The following GRAMD1C variants were observed in gnomAD, a reference collection of about 807,000 sequenced individuals.
GRAMD1C encodes GRAM domain containing 1C.
A neutral mutation model predicts 97.8 loss-of-function variants in GRAMD1C; 89 were observed. That is an observed-to-expected ratio of 0.91 (90% confidence interval 0.77 to 1.09). GRAMD1C has a LOEUF of 1.09. GRAMD1C is among the 50% of genes least tolerant of loss of function. The probability of loss-of-function intolerance (pLI) is 0.00; values close to 1 mark genes in which losing one functional copy is unlikely to be tolerated. For synonymous variants in GRAMD1C, 256 were observed against 267.0 expected, an observed-to-expected ratio of 0.96 and a Z score of 0.40; for missense variants, 740 against 766.4, an observed-to-expected ratio of 0.97 and a Z score of 0.41.
At chr3:113,860,494 A>T (rs1934321805) in intron 2 of GRAMD1C, among the ~76,000 whole-genome samples, 1 of 152,178 alleles carries the variant, frequency 6.6e-6, no homozygotes, top group Non-Finnish European at 1.5e-5. Flanking sequence ...TCCTATCAAA[A>T]TTCAAATGAC....
Position 113,909,116 on chromosome 3 carries a change from TG to T in GRAMD1C, c.949del (p.Glu317LysfsTer46), listed in dbSNP as rs1181223369. Reference sequence around the variant, plus strand: ...AAAGCAGCACTTCAGATTCTGTTGATGAAGGTAAATAATTTCTTATAAATTT... The same window carrying T: ...AAAGCAGCACTTCAGATTCTGTTGATAAGGTAAATAATTTCTTATAAATTT... ...DKSSTSDSVD[E>X]ENVPEKDLHG... On this transcript the variant is annotated frameshift_variant, in exon 9 of 18. Transcript: ENST00000358160. LOFTEE classifies it high-confidence loss of function. 1 of 1,458,502 alleles carries T rather than the reference TG, an allele frequency of 6.9e-7. No homozygotes were observed. Among genetic ancestry groups the T allele is most frequent in the African/African-American group, 1.5e-5 (1 of 68,598 alleles). 90.3% of individuals were successfully genotyped at this position (1,458,502 alleles called of 1,614,324 possible).
upstream of GRAMD1C, among the ~76,000 whole-genome samples, chr3:113,836,801 G>A (rs1290616992): frequency 2.0e-5 from 3 of 151,740 alleles, no homozygotes; most frequent in African/African-American, 7.3e-5. Context: ...TCACCATCAC[G>A]CCCGACTAAT....
intron 6 of GRAMD1C, among the ~76,000 whole-genome samples, chr3:113,887,606 CAGGAGAA>C (rs1246742465): frequency 7.9e-6 from 1 of 125,830 alleles, no homozygotes; most frequent in Non-Finnish European, 1.7e-5. Context: ...GAGGCTGAGG[CAGGAGAA>C]AGGAGAATGG....
intron 6 of GRAMD1C, chr3:113,885,425 A>G (rs1935436308): frequency 6.4e-7 from 1 of 1,570,906 alleles, no homozygotes; most frequent in African/African-American, 1.3e-5. Context: ...ACTGTTCGAT[A>G]TGATATCCTC....
At chr3:113,905,392 T>A (rs1936333507) in intron 8 of GRAMD1C, among the ~76,000 whole-genome samples, 1 of 152,234 alleles carries the variant, frequency 6.6e-6, no homozygotes, top group Non-Finnish European at 1.5e-5. Flanking sequence ...GACCATATTC[T>A]GAGTACTAGG....
intron 5 of GRAMD1C, among the ~76,000 whole-genome samples, chr3:113,877,330 A>G (rs1935087071): frequency 6.6e-6 from 1 of 152,232 alleles, no homozygotes; most frequent in Non-Finnish European, 1.5e-5. Flanking sequence ...ACATCGAAAA[A>G]TTAACACTGA....
At chr3:113,849,346 G>C (rs1473555539) in intron 2 of GRAMD1C, among the ~76,000 whole-genome samples, 1 of 150,812 alleles carries the variant, frequency 6.6e-6, no homozygotes, top group East Asian at 1.9e-4. Flanking sequence ...TCGCAGAGGG[G>C]GATTTGGCAG....
chr3:113,874,107 C>T (rs1031492772), intron 3 of GRAMD1C, among the ~76,000 whole-genome samples: 5 of 152,294 alleles, frequency 3.3e-5, no homozygotes, highest in African/African-American at 1.2e-4. Context: ...AGACATTTAA[C>T]ATGACTAAGT....
intron 10 of GRAMD1C, chr3:113,919,437 T>C (rs985841167): frequency 1.7e-5 from 9 of 514,808 alleles, no homozygotes; most frequent in Non-Finnish European, 3.6e-5. Context: ...ATTGAATTTA[T>C]AGGTCAAATG....
At chr3:113,869,406 T>G in intron 2 of GRAMD1C, 101 bp from the exon 3 acceptor site, 1 of 706,826 alleles carries the variant, frequency 1.4e-6, no homozygotes, top group Non-Finnish European at 2.5e-6. Flanking sequence ...ACATACAAAA[T>G]ATTGCATAGA....
intron 2 of GRAMD1C, among the ~76,000 whole-genome samples, chr3:113,855,078 G>T (rs987962481): frequency 2.0e-5 from 3 of 151,994 alleles, no homozygotes; most frequent in Non-Finnish European, 4.4e-5. Flanking sequence ...TTGGGGGGCC[G>T]AGGTGGGCAG....
chr3:113,884,908 TC>T (rs1423516040), intron 6 of GRAMD1C, among the ~76,000 whole-genome samples: 1 of 16,284 alleles, frequency 6.1e-5, no homozygotes, highest in African/African-American at 2.5e-4. Flanking sequence ...CCCCTTCCCC[TC>T]CCCCTCCCTT....
In GRAMD1C at chr3:113,891,496, A is replaced by G. The variant is rs187329839; in HGVS notation, c.540+8664A>G. On this transcript the variant is annotated intron_variant, in intron 6 of 17. Transcript: ENST00000358160. ...TCTTGTGTAATACTCTTAAAAAAAG[A>G]TAAAAAACCCTCATAAAATATACAG... Among the ~76,000 whole-genome samples the G allele has an allele frequency of 2.4e-4, 37 of 151,724 alleles. No individual in the cohort carries two copies. In the East Asian group the frequency reaches 6.2e-3, roughly 25 times the overall value.
chr3:113,918,780 C>T (rs959308442), intron 10 of GRAMD1C, among the ~76,000 whole-genome samples: 2 of 152,198 alleles, frequency 1.3e-5, no homozygotes, highest in Admixed American at 6.5e-5. Context: ...ACTGTAGCCT[C>T]GACCTCCTGG....
chr3:113,905,650 T>C (rs1054330541), intron 8 of GRAMD1C, among the ~76,000 whole-genome samples: 2 of 152,158 alleles, frequency 1.3e-5, no homozygotes, highest in Admixed American at 6.5e-5. Flanking sequence ...ATGCTCTGTA[T>C]AATGTTTTGG....
chr3:113,880,009 A>G (rs1935200884), intron 5 of GRAMD1C, among the ~76,000 whole-genome samples: 1 of 151,808 alleles, frequency 6.6e-6, no homozygotes, highest in Non-Finnish European at 1.5e-5. Context: ...CTTCATTCTT[A>G]TCTGGTTTTG....
Position 113,854,130 on chromosome 3 carries a change from G to A in GRAMD1C, c.174+9481G>A, listed in dbSNP as rs190942641. On this transcript the variant is annotated intron_variant, in intron 2 of 17. Coordinates refer to ENST00000358160, the MANE Select transcript of GRAMD1C (RefSeq NM_017577.5). ...AGGGAGAAGTGGGTTCTGGCATGTG[G>A]GGAAATCAAGAGTTTTTTTTTTTGT... is the stretch of plus-strand genomic sequence containing the variant. Among the ~76,000 whole-genome samples, 786 of 152,226 alleles carry A rather than the reference G, an allele frequency of 5.2e-3. 9 individuals carry two copies. The highest frequency in any genetic ancestry group is 0.017 in the Middle Eastern group (5 of 294).
upstream of GRAMD1C, chr3:113,838,321 C>T (rs1416816214): frequency 6.6e-6 from 1 of 152,522 alleles, no homozygotes; most frequent in African/African-American, 2.4e-5. Flanking sequence ...CCTGTAATCC[C>T]AGCACTTTGG....
chr3:113,832,035 C>CTTTTTTTTTTTTTTTTTTT (rs1559769031), intron 1 of GRAMD1C, among the ~76,000 whole-genome samples: 1 of 146,494 alleles, frequency 6.8e-6, no homozygotes, highest in African/African-American at 2.8e-5. Context: ...AATGCAGCAA[C>CTTTTTTTTTTTTTTTTTTT]TTTGTTTTTT....
Sources: allele counts gnomAD v4.1 joint callset (sites outside exome capture counted in the v4.1 genomes callset), GRCh38; gene constraint gnomAD v4.1.1; transcripts MANE v1.5; gene names NCBI Gene and HGNC (gene_info 2026-07-23, HGNC 2026-07-21).